The following KHDRBS3 variants were observed in gnomAD, a reference collection of about 807,000 sequenced individuals.
The protein encoded by KHDRBS3 is KH domain-containing, RNA-binding, signal transduction-associated protein 3.
KHDRBS3 carries 23 observed loss-of-function variants against 45.6 expected under a neutral mutation model. The ratio of observed to expected loss-of-function variants is 0.50; its 90% confidence interval spans 0.36 to 0.72. The LOEUF (loss-of-function observed/expected upper bound fraction) is 0.72, where lower values mean the gene tolerates loss of function less well. Ranked by LOEUF, KHDRBS3 falls within the 30% of genes least tolerant of loss-of-function variation. KHDRBS3 has a pLI of 0.00. For missense variants in KHDRBS3, 352 were observed against 424.8 expected, an observed-to-expected ratio of 0.83 and a Z score of 1.51; for synonymous variants, 162 against 156.5, an observed-to-expected ratio of 1.04 and a Z score of -0.26.
chr8:135,522,306 T>C (rs981155763), intron 2 of KHDRBS3, among the ~76,000 whole-genome samples: 1 of 152,234 alleles, frequency 6.6e-6, no homozygotes, highest in African/African-American at 2.4e-5. Context: ...TGCATAGTAT[T>C]CCATAGTGTA....
intron 1 of KHDRBS3, among the ~76,000 whole-genome samples, chr8:135,471,377 T>A (rs1486973579): frequency 6.6e-6 from 1 of 152,232 alleles, no homozygotes; most frequent in Non-Finnish European, 1.5e-5. Context: ...CAGTCTTTCC[T>A]ACTGGATTGG....
At chr8:135,511,368 A>C (rs1393382564) in intron 1 of KHDRBS3, among the ~76,000 whole-genome samples, 1 of 151,978 alleles carries the variant, frequency 6.6e-6, no homozygotes, top group Non-Finnish European at 1.5e-5. Flanking sequence ...TGATGGGTAG[A>C]ATTAATTAAT....
intron 2 of KHDRBS3, among the ~76,000 whole-genome samples, chr8:135,529,610 C>T (rs1419753630): frequency 6.6e-6 from 1 of 151,932 alleles, no homozygotes; most frequent in Non-Finnish European, 1.5e-5. Context: ...TGTTTGGGGG[C>T]ATATTATTAT....
At chr8:135,627,653 T>C (rs1029240536) in intron 7 of KHDRBS3, among the ~76,000 whole-genome samples, 1 of 152,224 alleles carries the variant, frequency 6.6e-6, no homozygotes, top group Non-Finnish European at 1.5e-5. Context: ...AAATTTTTAT[T>C]TATCTGAAAA....
intron 1 of KHDRBS3, among the ~76,000 whole-genome samples, chr8:135,494,430 C>A (rs1823326634): frequency 6.6e-6 from 1 of 151,896 alleles, no homozygotes; most frequent in African/African-American, 2.4e-5. Context: ...AGGCGCCCGC[C>A]ACCACGCCCA....
intron 6 of KHDRBS3, among the ~76,000 whole-genome samples, chr8:135,600,740 C>T (rs1161293007): frequency 1.3e-5 from 2 of 152,226 alleles, no homozygotes; most frequent in Non-Finnish European, 2.9e-5. Context: ...GACTGGAATG[C>T]AGTGGCCTGG....
exon 5 of KHDRBS3, chr8:135,656,414 G>A (rs1197179453): frequency 1.3e-5 from 2 of 152,040 alleles, no homozygotes; most frequent in Admixed American, 6.5e-5. Context: ...TTTAAAAAAC[G>A]GAAAGAAAAT....
At chr8:135,573,517 G>A (rs1827805733) in intron 5 of KHDRBS3, among the ~76,000 whole-genome samples, 1 of 152,184 alleles carries the variant, frequency 6.6e-6, no homozygotes, top group Admixed American at 6.5e-5. Flanking sequence ...TACCCAGGGT[G>A]TAAACATCGC....
At chr8:135,551,075 T>A (rs1826567852) in intron 4 of KHDRBS3, among the ~76,000 whole-genome samples, 2 of 152,290 alleles carry the variant, frequency 1.3e-5, no homozygotes, top group Admixed American at 1.3e-4. Flanking sequence ...TGATTTTGTA[T>A]CTTGTGATCT....
intron 1 of KHDRBS3, among the ~76,000 whole-genome samples, chr8:135,463,738 AG>A (rs1821550791): frequency 6.6e-6 from 1 of 152,220 alleles, no homozygotes; most frequent in Non-Finnish European, 1.5e-5. Flanking sequence ...CGAAAGCCAG[AG>A]GAGCGATTGA....
chr8:135,599,232 T>C (rs7017983), intron 6 of KHDRBS3, among the ~76,000 whole-genome samples: 151,973 of 152,352 alleles, frequency 1, 75,799 homozygotes, highest in East Asian at 1. Flanking sequence ...AGCTCGGTGC[T>C]GTTTCGAAGC....
chr8:135,488,491 A>G (rs942024622), intron 1 of KHDRBS3, among the ~76,000 whole-genome samples: 16 of 151,980 alleles, frequency 1.1e-4, no homozygotes, highest in Non-Finnish European at 1.6e-4. Flanking sequence ...AGAAACACTT[A>G]AAAAAAAATT....
chr8:135,640,254 C>T (rs569280818), intron 7 of KHDRBS3, among the ~76,000 whole-genome samples: 1 of 152,158 alleles, frequency 6.6e-6, no homozygotes, highest in East Asian at 1.9e-4. Context: ...AGCAAAAGGC[C>T]TAATGAGATA....
At chr8:135,476,438 G>T (rs977018754) in intron 1 of KHDRBS3, among the ~76,000 whole-genome samples, 1 of 152,046 alleles carries the variant, frequency 6.6e-6, no homozygotes, top group African/African-American at 2.4e-5. Flanking sequence ...CACGGCGCCC[G>T]ACCCCCATTT....
intron 1 of KHDRBS3, among the ~76,000 whole-genome samples, chr8:135,476,730 G>C (rs1249015288): frequency 6.6e-6 from 1 of 152,164 alleles, no homozygotes; most frequent in Non-Finnish European, 1.5e-5. Context: ...TTCAATTTGT[G>C]TCCATTTGGT....
At chr8:135,648,959 G>A (rs1378768942), downstream of KHDRBS3, among the ~76,000 whole-genome samples, 1 of 152,022 alleles carries the variant, frequency 6.6e-6, no homozygotes, top group Non-Finnish European at 1.5e-5. Context: ...CCCAATTTTA[G>A]TTTTCTATGT....
chr8:135,603,619 CAT>C (rs1829317586), intron 6 of KHDRBS3, among the ~76,000 whole-genome samples: 1 of 152,130 alleles, frequency 6.6e-6, no homozygotes, highest in Non-Finnish European at 1.5e-5. Flanking sequence ...AAGTACAAAA[CAT>C]ATAGCTCTTT....
chr8:135,523,517 T>C (rs532130392), intron 2 of KHDRBS3, among the ~76,000 whole-genome samples: 1 of 152,308 alleles, frequency 6.6e-6, no homozygotes, highest in African/African-American at 2.4e-5. Context: ...GTAGACTTCT[T>C]AGGATTTGTC....
chr8:135,585,279 G>C (rs1177486603), intron 6 of KHDRBS3, among the ~76,000 whole-genome samples: 2 of 149,064 alleles, frequency 1.3e-5, no homozygotes, highest in East Asian at 3.9e-4. Context: ...TTGGATTTTA[G>C]ATAGGGTGGG....
Sources: gnomAD v4.1 joint callset for allele counts (sites outside exome capture counted in the v4.1 genomes callset) on GRCh38, gnomAD v4.1.1 for gene constraint, MANE v1.5 for transcripts, NCBI Gene and HGNC (gene_info 2026-07-23, HGNC 2026-07-21) for gene names.